EPAS1: variants seen among roughly 807,000 people sequenced by gnomAD.
EPAS1 encodes endothelial PAS domain-containing protein 1.
A neutral mutation model predicts 87.9 loss-of-function variants in EPAS1; 23 were observed. The ratio of observed to expected loss-of-function variants is 0.26; its 90% CI spans 0.19 to 0.37. The LOEUF is 0.37. Among genes scored for constraint, EPAS1 ranks in the 10% least tolerant of loss-of-function variants. The probability of loss-of-function intolerance (pLI) is 1.00; values close to 1 mark genes in which losing one functional copy is unlikely to be tolerated. For missense variants in EPAS1, 1,138 were observed against 1,120.7 expected (o/e 1.02, Z -0.22); for synonymous variants, 508 against 444.3 (o/e 1.14, Z -1.80).
rs1682922760 is a variant in EPAS1 at position 46,298,088 on chromosome 2, G to A, written c.26+151G>A. On this transcript the variant is annotated intron_variant, in intron 1 of 15. Coordinates refer to ENST00000263734, the MANE Select transcript of EPAS1 (RefSeq NM_001430.5). ...TGGAGGGCTGTGAGGGGGAGAGCAT[G>A]TGCCCGGTTTGGGGGCGCGGATCAG... The A allele has an allele frequency of 1.9e-5, 19 of 1,012,852 alleles. No homozygotes were observed. The South Asian group carries it at 2.7e-4, about 14-fold the overall frequency. 62.7% of individuals were successfully genotyped at this position (1,012,852 alleles called of 1,614,324 possible). A position where few individuals can be genotyped will look rare whatever the true frequency, so the allele number is the denominator to read the frequency against.
rs759045547 is a variant in EPAS1 at position 46,381,663 on chromosome 2, A to G, written c.2113A>G (p.Lys705Glu). ...LSPAMVALSN[K>E]LKLKRQLEYE... Reference sequence around the variant, plus strand: ...TCCGGCCATGGTAGCCCTCTCCAACAAGCTGAAGCTGAAGCGACAGCTGGA... The same window carrying G: ...TCCGGCCATGGTAGCCCTCTCCAACGAGCTGAAGCTGAAGCGACAGCTGGA... Residue 705 changes from lysine to glutamate, a missense_variant, in exon 13 of 16, where the codon AAG becomes GAG. Transcript: ENST00000263734. The G allele has an allele frequency of 3.3e-5, 54 of 1,613,872 alleles. 1 individual carries two copies. The South Asian group carries it at 5.5e-4, about 16-fold the overall frequency.
intron 14 of EPAS1, 136 bp downstream of exon 14, chr2:46,382,225 T>C: frequency 9.5e-7 from 1 of 1,049,576 alleles, no homozygotes; most frequent in South Asian, 1.3e-5. Context: ...GGCGATGTCC[T>C]CTGTCTCTCC....
chr2:46,305,148 G>A (rs544265986), intron 1 of EPAS1, among the ~76,000 whole-genome samples: 1 of 152,324 alleles, frequency 6.6e-6, no homozygotes, highest in South Asian at 2.1e-4. Flanking sequence ...AGTAGATGTT[G>A]GGTGTAATTT....
intron 1 of EPAS1, among the ~76,000 whole-genome samples, chr2:46,338,532 A>G (rs1683844935): frequency 6.6e-6 from 1 of 152,180 alleles, no homozygotes; most frequent in Admixed American, 6.5e-5. Context: ...AGTCTTCTCT[A>G]TACATCCCTG....
chr2:46,357,662 G>T (rs1558600833), intron 4 of EPAS1, among the ~76,000 whole-genome samples: 2 of 152,222 alleles, frequency 1.3e-5, no homozygotes, highest in Non-Finnish European at 2.9e-5. Context: ...TGGCTTGTTG[G>T]AGCTACTTTT....
intron 3 of EPAS1, 106 bp from the exon 4 acceptor site, chr2:46,356,618 T>C: frequency 1.1e-6 from 1 of 915,898 alleles, no homozygotes. Context: ...GAAAACCCAA[T>C]TCAGTCTCCT....
At position 46,375,223 on chromosome 2, in the gene EPAS1, G is replaced by C. The variant is rs1684718542; in HGVS notation, c.887-467G>C. Among the ~76,000 whole-genome samples, 1 of 149,306 alleles carries C rather than the reference G, an allele frequency of 6.7e-6. No individual in the cohort carries two copies. The highest frequency in any genetic ancestry group is 2.1e-4 in the South Asian group (1 of 4,688). On this transcript the variant is annotated intron_variant, in intron 7 of 15. Coordinates refer to ENST00000263734, the MANE Select transcript of EPAS1 (RefSeq NM_001430.5). This position sits in a 1 kb window ranked among gnomAD's most constrained non-coding sequence, Gnocchi z 4.1. ...AACAAAAAAAACTGCCCTGAGGTCA[G>C]GCTTTCTCCAGGCTGCTTAGAAGTC...
intron 6 of EPAS1, among the ~76,000 whole-genome samples, chr2:46,369,354 A>AT (rs1462752018): frequency 2.6e-5 from 4 of 152,174 alleles, no homozygotes; most frequent in Admixed American, 1.3e-4. Context: ...TTCATGTTTC[A>AT]TTTATACTGC....
chr2:46,382,185 T>C, intron 14 of EPAS1, 96 bp downstream of exon 14: 2 of 1,209,880 alleles, frequency 1.7e-6, no homozygotes, highest in East Asian at 2.5e-5. Flanking sequence ...CCACAGGCCG[T>C]ACCTGCCTCT....
At chr2:46,316,345 GCCT>G (rs1449833259) in intron 1 of EPAS1, among the ~76,000 whole-genome samples, 1 of 151,440 alleles carries the variant, frequency 6.6e-6, no homozygotes, top group African/African-American at 2.4e-5. Flanking sequence ...TGCAACTTCC[GCCT>G]CCTGGGTTCA....
rs2103664497 is a variant in EPAS1, at chr2:46,376,648, G to A, written c.1144G>A (p.Val382Met). The stretch of plus-strand genomic sequence containing the variant: ...CTTTGATAGCAGTGGCAAGGGGGCT[G>A]TGTCTGAGAAGAGTAACTTCCTATT... ...SIFDSSGKGA[V>M]SEKSNFLFTK... The change falls in exon 9 of 16, where the codon GTG becomes ATG. Residue 382 changes from valine to methionine, a missense_variant. Physicochemically the swap from Val to Met is conservative, Grantham distance 21 (BLOSUM62 1). Around this residue, in one of 4 missense-constraint regions of EPAS1, gnomAD observed 284 missense variants for 258.4 expected, o/e 1.10. Transcript: ENST00000263734. 1 of 1,614,184 alleles carries A rather than the reference G, an allele frequency of 6.2e-7. No individual in the cohort carries two copies. The highest frequency in any genetic ancestry group is 8.5e-7 in the Non-Finnish European group (1 of 1,180,032).
At chr2:46,313,629 T>G (rs1413852050) in intron 1 of EPAS1, among the ~76,000 whole-genome samples, 1 of 152,002 alleles carries the variant, frequency 6.6e-6, no homozygotes, top group Non-Finnish European at 1.5e-5. Context: ...TATTTGTATT[T>G]TTAGTAGAGA....
intron 6 of EPAS1, among the ~76,000 whole-genome samples, chr2:46,366,469 A>C (rs1390264436): frequency 1.3e-5 from 2 of 152,070 alleles, no homozygotes; most frequent in Non-Finnish European, 2.9e-5. Context: ...ATTTCCTTTC[A>C]TCCTTCCTCT....
Position 46,375,857 on chromosome 2 carries a change from C to T in EPAS1, c.1034+20C>T, listed in dbSNP as rs201630055. On this transcript the variant is annotated intron_variant, in intron 8 of 15. Transcript: ENST00000263734. This position sits in a 1 kb window ranked among gnomAD's most constrained non-coding sequence, Gnocchi z 4.1. ...CCTGAGGTAAGCATGTGAGGGCTGG[C>T]GGGCCTTGGTGCAGGGTATGTGGGG... 5.6e-6 allele frequency: 9 copies of T among 1,614,006 alleles called. No individual in the cohort carries two copies. Among genetic ancestry groups the T allele is most frequent in the South Asian group, 3.3e-5 (3 of 91,078 alleles).
At chr2:46,309,371 G>T (rs1374366897) in intron 1 of EPAS1, among the ~76,000 whole-genome samples, 2 of 152,196 alleles carry the variant, frequency 1.3e-5, no homozygotes, top group Non-Finnish European at 2.9e-5. Flanking sequence ...AATATAAGAT[G>T]ATTTATGTTA....
intron 6 of EPAS1, among the ~76,000 whole-genome samples, chr2:46,365,458 A>G (rs79098749): frequency 0.053 from 8,017 of 152,304 alleles, 483 homozygotes; most frequent in African/African-American, 0.14. Flanking sequence ...GAAGTTGAGA[A>G]TAAGTAAAAA....
At chr2:46,368,568 G>A (rs1324785909) in intron 6 of EPAS1, among the ~76,000 whole-genome samples, 3 of 152,176 alleles carry the variant, frequency 2.0e-5, no homozygotes, top group African/African-American at 7.2e-5. Context: ...AATTTGGTCT[G>A]ACAGATGTAT....
intron 3 of EPAS1, 82 bp downstream of exon 3, chr2:46,356,384 C>G (rs1420711794): frequency 6.4e-7 from 1 of 1,556,126 alleles, no homozygotes; most frequent in Non-Finnish European, 8.8e-7. Context: ...TAGCCACAAT[C>G]CCACTTGACC....
intron 2 of EPAS1, among the ~76,000 whole-genome samples, chr2:46,355,646 C>T (rs1194185715): frequency 6.6e-6 from 1 of 152,174 alleles, no homozygotes; most frequent in Non-Finnish European, 1.5e-5. Context: ...TTCAGGCATA[C>T]TTTGATTGAT....
Sources: gnomAD v4.1 joint callset for allele counts (sites outside exome capture counted in the v4.1 genomes callset) on GRCh38, gnomAD v4.1.1 for gene constraint, gnomAD v4.1.1 regional missense constraint, Gnocchi (gnomAD v3.1) non-coding constraint, MANE v1.5 for transcripts, NCBI Gene and HGNC (gene_info 2026-07-23, HGNC 2026-07-21) for gene names.